Variants in BCL2 observed in about 807,000 individuals in gnomAD.
The protein encoded by BCL2 is BCL2 apoptosis regulator.
BCL2 carries 1 observed loss-of-function variant against 14.2 expected under a neutral mutation model. The observed-to-expected ratio is 0.07, with a 90% CI of 0.02 to 0.33. The LOEUF (loss-of-function observed/expected upper bound fraction) is 0.33, where lower values mean the gene tolerates loss of function less well. Among genes scored for constraint, BCL2 ranks in the 10% least tolerant of loss-of-function variants. The probability of loss-of-function intolerance (pLI) is 0.99; values close to 1 mark genes in which losing one functional copy is unlikely to be tolerated. For missense variants in BCL2, 247 were observed against 305.9 expected (o/e 0.81, Z 1.44); for synonymous variants, 151 against 137.2 (o/e 1.10, Z -0.70).
At chr18:63,129,499 GA>G (rs768364501) in intron 2 of BCL2, among the ~76,000 whole-genome samples, 13 of 152,086 alleles carry the variant, frequency 8.5e-5, no homozygotes, top group Non-Finnish European at 1.9e-4. Context: ...GGCTGGTCTT[GA>G]ACTCCTGGGC....
chr18:63,242,543 C>CTG (rs892592789), intron 2 of BCL2, among the ~76,000 whole-genome samples: 3 of 152,164 alleles, frequency 2.0e-5, no homozygotes, highest in Non-Finnish European at 4.4e-5. Context: ...TGCAACACTC[C>CTG]AGTGCCCAAC....
Position 63,295,127 on chromosome 18 carries a change from G to A in BCL2, c.585+22955C>T, listed in dbSNP as rs565921854. Reference sequence around the variant, plus strand: ...TGCAGTGAGCCGAGATTGTGCCACTGCATTCCAGCCTGGGAGACAGAGCGA... The same window carrying A: ...TGCAGTGAGCCGAGATTGTGCCACTACATTCCAGCCTGGGAGACAGAGCGA... On this transcript the variant is annotated intron_variant, in intron 2 of 2. Transcript: ENST00000333681. Among the ~76,000 whole-genome samples, 128 of 151,930 alleles carry A rather than the reference G, an allele frequency of 8.4e-4. 1 individual carries two copies. The highest frequency in any genetic ancestry group is 2.9e-3 in the African/African-American group (120 of 41,438).
At chr18:63,264,667 T>C (rs1353803143) in intron 2 of BCL2, among the ~76,000 whole-genome samples, 1 of 151,686 alleles carries the variant, frequency 6.6e-6, no homozygotes, top group Non-Finnish European at 1.5e-5. Context: ...AAAACTGTAG[T>C]AAATATTAAC....
intron 2 of BCL2, among the ~76,000 whole-genome samples, chr18:63,159,579 A>G (rs1211016213): frequency 6.6e-6 from 1 of 152,230 alleles, no homozygotes; most frequent in African/African-American, 2.4e-5. Flanking sequence ...GATAGAATGT[A>G]ACAGAGACAG....
intron 2 of BCL2, among the ~76,000 whole-genome samples, chr18:63,166,718 C>T (rs554383266): frequency 3.9e-5 from 6 of 152,234 alleles, no homozygotes; most frequent in African/African-American, 9.6e-5. Flanking sequence ...GACAGCTTAC[C>T]GACGGGATAT....
At chr18:63,262,605 G>C (rs975977415) in intron 2 of BCL2, among the ~76,000 whole-genome samples, 5 of 152,176 alleles carry the variant, frequency 3.3e-5, no homozygotes, top group Non-Finnish European at 5.9e-5. Context: ...CAGGCTGGAG[G>C]ATTGGGTACC....
At chr18:63,258,156 G>A (rs919193025) in intron 2 of BCL2, among the ~76,000 whole-genome samples, 2 of 152,208 alleles carry the variant, frequency 1.3e-5, no homozygotes, top group African/African-American at 4.8e-5. Flanking sequence ...ACTTCCAGGA[G>A]CTGGAAGAGG....
At chr18:63,216,977 T>C (rs751153177) in intron 2 of BCL2, among the ~76,000 whole-genome samples, 1 of 152,194 alleles carries the variant, frequency 6.6e-6, no homozygotes, top group African/African-American at 2.4e-5. Flanking sequence ...TGGCATCACG[T>C]TGAAGAAGGC....
chr18:63,297,255 T>C (rs1451227616), intron 2 of BCL2, among the ~76,000 whole-genome samples: 3 of 152,228 alleles, frequency 2.0e-5, no homozygotes, highest in African/African-American at 7.2e-5. Context: ...ACCACATATG[T>C]AATTTTAAAT....
intron 2 of BCL2, among the ~76,000 whole-genome samples, chr18:63,162,809 T>G (rs948478474): frequency 2.0e-5 from 3 of 152,006 alleles, no homozygotes; most frequent in African/African-American, 7.2e-5. Context: ...CCCTCCTTCC[T>G]TCTTTCCTTC....
chr18:63,199,215 A>G (rs1909609011), intron 2 of BCL2, among the ~76,000 whole-genome samples: 1 of 149,922 alleles, frequency 6.7e-6, no homozygotes. Flanking sequence ...GACACACACA[A>G]CACACACACT....
intron 2 of BCL2, among the ~76,000 whole-genome samples, chr18:63,255,683 T>G (rs542467282): frequency 6.6e-6 from 1 of 152,196 alleles, no homozygotes; most frequent in South Asian, 2.1e-4. Context: ...GAATTTCCCC[T>G]GTGCAAAAAA....
chr18:63,188,617 T>A (rs989064985), intron 2 of BCL2, among the ~76,000 whole-genome samples: 1 of 152,184 alleles, frequency 6.6e-6, no homozygotes, highest in African/African-American at 2.4e-5. Flanking sequence ...AAGCAAACTT[T>A]TGAATAATTT....
rs1203260490 is a variant in BCL2 at position 63,125,725 on chromosome 18, A to T, written c.*2900T>A. ...ATGACTAGTTGAGGCTTTTATATAC[A>T]TTCATTGCTTCTAACATGTTTTTAA... On this transcript the variant is annotated 3_prime_UTR_variant, in exon 3 of 3. Transcript: ENST00000333681. 2 of 214,180 alleles carry T rather than the reference A, an allele frequency of 9.3e-6. No individual in the cohort carries two copies. Among genetic ancestry groups the T allele is most frequent in the Non-Finnish European group, 1.9e-5 (2 of 106,016 alleles). The allele number at this position is 214,180 out of a possible 1,614,324, so 13.3% of individuals were successfully genotyped here. A position where few individuals can be genotyped will look rare whatever the true frequency, so the allele number is the denominator to read the frequency against.
intron 2 of BCL2, among the ~76,000 whole-genome samples, chr18:63,153,163 G>T (rs1417640004): frequency 6.6e-6 from 1 of 152,184 alleles, no homozygotes; most frequent in African/African-American, 2.4e-5. Flanking sequence ...TGAGTTATCA[G>T]TTCTCCTCTC....
intron 2 of BCL2, among the ~76,000 whole-genome samples, chr18:63,312,766 G>A (rs1188392270): frequency 6.6e-6 from 1 of 152,196 alleles, no homozygotes; most frequent in Non-Finnish European, 1.5e-5. Context: ...AAGAAAGATA[G>A]TTCTTCAAAT....
intron 2 of BCL2, among the ~76,000 whole-genome samples, chr18:63,246,565 GC>G (rs1180868665): frequency 6.6e-6 from 1 of 151,944 alleles, no homozygotes; most frequent in African/African-American, 2.4e-5. Flanking sequence ...GGAAAGACCC[GC>G]CCCCATGATT....
At chr18:63,300,215 T>C (rs1573493) in intron 2 of BCL2, among the ~76,000 whole-genome samples, 149,580 of 152,160 alleles carry the variant, frequency 0.98, 73,586 homozygotes, top group East Asian at 1. Flanking sequence ...AAACTCCCCC[T>C]AGAAATTACA....
intron 2 of BCL2, among the ~76,000 whole-genome samples, chr18:63,229,033 A>T (rs1469572905): frequency 2.0e-5 from 3 of 152,258 alleles, no homozygotes; most frequent in African/African-American, 7.2e-5. Context: ...ATTTTGAGGG[A>T]TAAAGAGGAT....
Sources: gnomAD v4.1 joint callset for allele counts (sites outside exome capture counted in the v4.1 genomes callset) on GRCh38, gnomAD v4.1.1 for gene constraint, MANE v1.5 for transcripts, NCBI Gene and HGNC (gene_info 2026-07-23, HGNC 2026-07-21) for gene names.